The following EXT1 variants were observed in gnomAD, a reference collection of about 807,000 sequenced individuals.
EXT1 encodes the protein exostosin-1.
In EXT1, 20 loss-of-function variants were observed where a neutral mutation model predicts 82.5. The ratio of observed to expected loss-of-function variants is 0.24; its 90% confidence interval spans 0.17 to 0.35. The LOEUF (loss-of-function observed/expected upper bound fraction) is 0.35. Ranked by LOEUF, EXT1 falls within the 10% of genes least tolerant of loss-of-function variation. EXT1 has a pLI of 1.00. For synonymous variants in EXT1, 348 were observed against 350.8 expected (o/e 0.99, Z 0.09); for missense variants, 757 against 936.5 (o/e 0.81, Z 2.50).
chr8:117,991,267 C>A (rs920447801), intron 1 of EXT1, among the ~76,000 whole-genome samples: 18 of 152,006 alleles, frequency 1.2e-4, no homozygotes, highest in African/African-American at 3.9e-4. Context: ...CATGCCACCA[C>A]GCCCAGCTAA....
chr8:117,966,528 C>T (rs1814814618), intron 1 of EXT1, among the ~76,000 whole-genome samples: 2 of 152,134 alleles, frequency 1.3e-5, no homozygotes, highest in South Asian at 4.1e-4. Context: ...GCATAGGGAC[C>T]AGGTGTCAAC....
intron 1 of EXT1, among the ~76,000 whole-genome samples, chr8:117,966,135 T>A (rs1218946416): frequency 6.6e-6 from 1 of 152,130 alleles, no homozygotes; most frequent in Non-Finnish European, 1.5e-5. Flanking sequence ...TAATCCAATA[T>A]AGAGAAAAGT....
chr8:118,007,298 A>G (rs558883749), intron 1 of EXT1, among the ~76,000 whole-genome samples: 3 of 151,606 alleles, frequency 2.0e-5, no homozygotes, highest in Non-Finnish European at 4.4e-5. Flanking sequence ...CACCATCTCA[A>G]AAAAAAAACA....
chr8:118,049,163 C>G (rs1399598116), intron 1 of EXT1, among the ~76,000 whole-genome samples: 1 of 151,996 alleles, frequency 6.6e-6, no homozygotes, highest in Non-Finnish European at 1.5e-5. Flanking sequence ...ATTTCAATGG[C>G]TACAAAATAA....
chr8:117,851,465 C>T (rs1587010623), intron 1 of EXT1, among the ~76,000 whole-genome samples: 1 of 150,090 alleles, frequency 6.7e-6, no homozygotes, highest in East Asian at 1.9e-4. Context: ...GCTTAAGCTG[C>T]CTTAAATAAC....
chr8:117,883,732 T>C (rs746616704), intron 1 of EXT1, among the ~76,000 whole-genome samples: 2 of 152,204 alleles, frequency 1.3e-5, no homozygotes, highest in Non-Finnish European at 2.9e-5. Context: ...TTTGGAGTGG[T>C]AGGGAACTAT....
intron 1 of EXT1, among the ~76,000 whole-genome samples, chr8:118,038,398 G>T (rs1450066188): frequency 6.6e-6 from 1 of 152,188 alleles, no homozygotes; most frequent in Non-Finnish European, 1.5e-5. Context: ...CTGTCCCAGT[G>T]ACTGTGCAGA....
At chr8:118,014,167 G>A (rs1235969116) in intron 1 of EXT1, among the ~76,000 whole-genome samples, 1 of 152,100 alleles carries the variant, frequency 6.6e-6, no homozygotes, top group Non-Finnish European at 1.5e-5. Flanking sequence ...TTTGCTCTTT[G>A]AGCCTCAAAG....
At chr8:118,098,361 C>A (rs1055365462) in intron 1 of EXT1, among the ~76,000 whole-genome samples, 1 of 152,078 alleles carries the variant, frequency 6.6e-6, no homozygotes, top group East Asian at 1.9e-4. Context: ...CCATATGCCA[C>A]GCCTTAGGCA....
chr8:117,811,449 C>T (rs1351664820), intron 8 of EXT1, among the ~76,000 whole-genome samples: 2 of 152,088 alleles, frequency 1.3e-5, no homozygotes, highest in East Asian at 3.9e-4. Flanking sequence ...ATGCATCCCC[C>T]CACCCTGGCC....
chr8:118,000,646 G>C (rs916782224), intron 1 of EXT1, among the ~76,000 whole-genome samples: 3 of 152,202 alleles, frequency 2.0e-5, no homozygotes, highest in African/African-American at 7.2e-5. Context: ...ACGCATCATT[G>C]ATCCTGTGGG....
chr8:118,098,080 G>C (rs1817652493), intron 1 of EXT1, among the ~76,000 whole-genome samples: 1 of 152,046 alleles, frequency 6.6e-6, no homozygotes, highest in South Asian at 2.1e-4. Context: ...GAGCTTGCCT[G>C]CCTTAGTAAC....
At chr8:118,072,970 C>T (rs1313294726) in intron 1 of EXT1, among the ~76,000 whole-genome samples, 1 of 152,118 alleles carries the variant, frequency 6.6e-6, no homozygotes, top group African/African-American at 2.4e-5. Context: ...ACGAGGAGCA[C>T]GATTACCAAA....
At chr8:117,920,537 T>C (rs904420484) in intron 1 of EXT1, among the ~76,000 whole-genome samples, 1 of 152,216 alleles carries the variant, frequency 6.6e-6, no homozygotes, top group Non-Finnish European at 1.5e-5. Context: ...CATTTTCATT[T>C]AACAAAGCAA....
At chr8:118,059,451 T>C (rs910650843) in intron 1 of EXT1, among the ~76,000 whole-genome samples, 2 of 152,032 alleles carry the variant, frequency 1.3e-5, no homozygotes, top group South Asian at 2.1e-4. Flanking sequence ...CCCAATGGGG[T>C]CCAGCTTGTC....
At chr8:117,900,152 G>C (rs1202393934) in intron 1 of EXT1, among the ~76,000 whole-genome samples, 1 of 152,156 alleles carries the variant, frequency 6.6e-6, no homozygotes, top group Admixed American at 6.5e-5. Flanking sequence ...TTCTGTGGGA[G>C]CCCAGAGCAG....
At chr8:118,074,159 G>T (rs1482736896) in intron 1 of EXT1, among the ~76,000 whole-genome samples, 1 of 152,034 alleles carries the variant, frequency 6.6e-6, no homozygotes, top group Non-Finnish European at 1.5e-5. Flanking sequence ...GGACGGGGAG[G>T]GGGAGGGAAG....
chr8:117,917,759 G>A (rs1352982869), intron 1 of EXT1, among the ~76,000 whole-genome samples: 1 of 152,142 alleles, frequency 6.6e-6, no homozygotes, highest in African/African-American at 2.4e-5. Flanking sequence ...GCCTGGACAA[G>A]CAACCACAGG....
intron 1 of EXT1, among the ~76,000 whole-genome samples, chr8:117,845,681 C>T (rs1295450835): frequency 6.6e-6 from 1 of 152,074 alleles, no homozygotes; most frequent in Non-Finnish European, 1.5e-5. Context: ...CTCCTGGCCT[C>T]AAGTGATCCT....
Sources: allele counts gnomAD v4.1 joint callset (sites outside exome capture counted in the v4.1 genomes callset), GRCh38; gene constraint gnomAD v4.1.1; transcripts MANE v1.5; gene names NCBI Gene and HGNC (gene_info 2026-07-23, HGNC 2026-07-21).